Variants in KCNH5 observed in about 807,000 individuals in gnomAD.
KCNH5 encodes the protein potassium voltage-gated channel subfamily H member 5.
KCNH5 carries 46 observed loss-of-function variants against 96.1 expected under a neutral mutation model. The ratio of observed to expected loss-of-function variants is 0.48; its 90% CI spans 0.38 to 0.61. KCNH5 has a LOEUF of 0.61. KCNH5 is among the 20% of genes least tolerant of loss of function. KCNH5 has a pLI of 0.00. For synonymous variants in KCNH5, 439 were observed against 449.8 expected (o/e 0.98, Z 0.30); for missense variants, 907 against 1,225.8 (o/e 0.74, Z 3.88).
At chr14:62,814,251 A>T (rs1018389902) in intron 8 of KCNH5, among the ~76,000 whole-genome samples, 2 of 152,176 alleles carry the variant, frequency 1.3e-5, no homozygotes, top group Non-Finnish European at 2.9e-5. Flanking sequence ...CAGTAACAAC[A>T]AACAGCAATT....
At chr14:62,760,358 C>T (rs1315003361) in intron 10 of KCNH5, among the ~76,000 whole-genome samples, 8 of 152,142 alleles carry the variant, frequency 5.3e-5, no homozygotes, top group East Asian at 1.9e-4. Context: ...ACACGGTCAC[C>T]GAGGTACCAG....
At position 62,815,598 on chromosome 14, in the gene KCNH5, G is replaced by A. The variant is rs183563686; in HGVS notation, c.1570-13017C>T. Reference sequence around the variant, plus strand: ...ATATATATACACAAAACATCACACTGTATACCTTAAATATATGCAATTTTT... The same window carrying A: ...ATATATATACACAAAACATCACACTATATACCTTAAATATATGCAATTTTT... On this transcript the variant is annotated intron_variant, in intron 8 of 10. Coordinates refer to ENST00000322893, the MANE Select transcript of KCNH5 (RefSeq NM_139318.5). Among the ~76,000 whole-genome samples the A allele has an allele frequency of 1.4e-3, 215 of 151,984 alleles. 1 individual carries two copies. Among genetic ancestry groups the A allele is most frequent in the African/African-American group, 5.0e-3 (207 of 41,494 alleles).
At chr14:62,852,733 A>C (rs1232264766) in intron 7 of KCNH5, among the ~76,000 whole-genome samples, 1 of 152,186 alleles carries the variant, frequency 6.6e-6, no homozygotes, top group African/African-American at 2.4e-5. Context: ...TTCCTTATGA[A>C]TATCTTCAAT....
At chr14:62,768,474 G>T (rs966631619) in intron 10 of KCNH5, among the ~76,000 whole-genome samples, 1 of 152,044 alleles carries the variant, frequency 6.6e-6, no homozygotes, top group Non-Finnish European at 1.5e-5. Context: ...ATAAGTAGTA[G>T]ACATTTTAGA....
chr14:62,779,969 C>G (rs1482105216), intron 9 of KCNH5, 45 bp from the exon 10 acceptor site: 41 of 1,462,828 alleles, frequency 2.8e-5, no homozygotes, highest in Non-Finnish European at 3.6e-5. Flanking sequence ...TAACACTGTT[C>G]TTATTTAATC....
chr14:62,702,334 C>T lies in KCNH5; in HGVS notation c.*5174G>A, dbSNP rs1170980952. On this transcript the variant is annotated 3_prime_UTR_variant, in exon 11 of 11. Transcript: ENST00000322893. ...AACCAAACATTTACATTCACATTATCGAGTGCAATTTTTAAGAATTATTTT... is the reference window on the plus strand; with the variant it reads ...AACCAAACATTTACATTCACATTATTGAGTGCAATTTTTAAGAATTATTTT... 3 of 151,992 alleles carry T rather than the reference C, an allele frequency of 2.0e-5. No homozygotes were observed. Among genetic ancestry groups the T allele is most frequent in the Non-Finnish European group, 2.9e-5 (2 of 67,914 alleles). 9.4% of individuals were successfully genotyped at this position (151,992 alleles called of 1,614,324 possible).
intron 6 of KCNH5, among the ~76,000 whole-genome samples, chr14:62,980,025 AG>A (rs1171505811): frequency 6.6e-6 from 1 of 152,184 alleles, no homozygotes; most frequent in African/African-American, 2.4e-5. Flanking sequence ...TTCCCGTGAC[AG>A]TGAGGGAGAT....
chr14:62,951,325 T>C (rs1324922086), intron 6 of KCNH5, among the ~76,000 whole-genome samples: 1 of 152,178 alleles, frequency 6.6e-6, no homozygotes, highest in Non-Finnish European at 1.5e-5. Context: ...CAGCATAGGC[T>C]TTCTTAAATC....
intron 10 of KCNH5, among the ~76,000 whole-genome samples, chr14:62,772,482 C>G (rs1847772185): frequency 6.6e-6 from 1 of 151,788 alleles, no homozygotes; most frequent in South Asian, 2.1e-4. Context: ...ACTAAAAATA[C>G]AAAAATTAGC....
intron 6 of KCNH5, among the ~76,000 whole-genome samples, chr14:62,977,633 T>C (rs1476230191): frequency 6.6e-6 from 1 of 152,154 alleles, no homozygotes; most frequent in Non-Finnish European, 1.5e-5. Flanking sequence ...AATGGTTGCC[T>C]CTAGGGTCTT....
intron 10 of KCNH5, among the ~76,000 whole-genome samples, chr14:62,776,419 CAGGAAAAGA>C: frequency 6.6e-6 from 1 of 152,154 alleles, no homozygotes; most frequent in East Asian, 1.9e-4. Flanking sequence ...ATTTGCAAGC[CAGGAAAAGA>C]ACCCTCACCA....
At chr14:62,935,689 T>C (rs1227779317) in intron 7 of KCNH5, among the ~76,000 whole-genome samples, 1 of 152,122 alleles carries the variant, frequency 6.6e-6, no homozygotes. Context: ...TCTCAACAAT[T>C]ATTTTCTCTT....
chr14:62,756,799 A>T (rs2087520), intron 10 of KCNH5, among the ~76,000 whole-genome samples: 92,133 of 152,024 alleles, frequency 0.61, 28,311 homozygotes, highest in East Asian at 0.86. Context: ...AAAAATTAAA[A>T]CAAAATGGAT....
chr14:62,980,513 C>A (rs998141489), intron 6 of KCNH5, among the ~76,000 whole-genome samples: 1 of 152,064 alleles, frequency 6.6e-6, no homozygotes, highest in African/African-American at 2.4e-5. Context: ...TGGTTTTTGC[C>A]ATTAAAAGTA....
chr14:62,880,920 G>A (rs550843952), intron 7 of KCNH5, among the ~76,000 whole-genome samples: 35 of 152,226 alleles, frequency 2.3e-4, no homozygotes, highest in Admixed American at 1.6e-3. Flanking sequence ...CAAAGGTCCC[G>A]CATAGAGTGC....
At chr14:62,787,060 G>T (rs1259944452) in intron 9 of KCNH5, among the ~76,000 whole-genome samples, 2 of 152,110 alleles carry the variant, frequency 1.3e-5, no homozygotes, top group African/African-American at 4.8e-5. Flanking sequence ...CAAGTCAAAA[G>T]GTAGACATAA....
At chr14:62,843,022 C>A (rs569871082) in intron 8 of KCNH5, among the ~76,000 whole-genome samples, 25 of 152,164 alleles carry the variant, frequency 1.6e-4, no homozygotes, top group Non-Finnish European at 3.4e-4. Context: ...CTTTTACTGG[C>A]AGACTGTGAA....
chr14:62,726,546 A>G (rs1234001288), intron 10 of KCNH5, among the ~76,000 whole-genome samples: 1 of 152,192 alleles, frequency 6.6e-6, no homozygotes, highest in South Asian at 2.1e-4. Flanking sequence ...TTAATTAGGC[A>G]TCAAAAGAGT....
chr14:63,007,688 G>A lies in KCNH5; in HGVS notation c.198-1216C>T, dbSNP rs147219427. Reference sequence around the variant, plus strand: ...CCCATACTATCATTAAAAAAGTGAGGATTGCATATGATACATATAATGCAT... The same window carrying A: ...CCCATACTATCATTAAAAAAGTGAGAATTGCATATGATACATATAATGCAT... On this transcript the variant is annotated intron_variant, in intron 2 of 10. Transcript: ENST00000322893. Among the ~76,000 whole-genome samples, 65 of 152,184 alleles carry A rather than the reference G, an allele frequency of 4.3e-4. 5 individuals are homozygous for A. In the South Asian group the frequency reaches 5.0e-3, roughly 12 times the overall value.
Sources: allele counts gnomAD v4.1 joint callset (sites outside exome capture counted in the v4.1 genomes callset), GRCh38; gene constraint gnomAD v4.1.1; transcripts MANE v1.5; gene names NCBI Gene and HGNC (gene_info 2026-07-23, HGNC 2026-07-21).